TESK2: variants seen among roughly 807,000 people sequenced by gnomAD.
TESK2 encodes dual specificity testis-specific protein kinase 2.
In TESK2, 39 loss-of-function variants were observed where a neutral mutation model predicts 57.1. The observed-to-expected ratio is 0.68, with a 90% CI of 0.53 to 0.89. TESK2 has a LOEUF of 0.89. Among genes scored for constraint, TESK2 ranks in the 40% least tolerant of loss-of-function variants. The pLI is 0.00. For missense variants in TESK2, 646 were observed against 732.1 expected (o/e 0.88, Z 1.36); for synonymous variants, 249 against 267.9 (o/e 0.93, Z 0.69).
chr1:45,432,108 G>A (rs564360027), intron 2 of TESK2, among the ~76,000 whole-genome samples: 1 of 152,018 alleles, frequency 6.6e-6, no homozygotes, highest in East Asian at 2.0e-4. Context: ...CGTTACCCAG[G>A]CATGGTGGTG....
Position 45,347,065 on chromosome 1 carries a change from G to C in TESK2, c.709-3C>G, listed in dbSNP as rs772258076. 6 of 1,614,094 alleles carry C rather than the reference G, an allele frequency of 3.7e-6. No homozygotes were observed. Among genetic ancestry groups the C allele is most frequent in the Non-Finnish European group, 5.1e-6 (6 of 1,179,950 alleles). Reference sequence around the variant, plus strand: ...ATACCATAAGAGAACACATCTGCCTGGTGGGTAGTCGGACTTTGGTTTCCC... The same window carrying C: ...ATACCATAAGAGAACACATCTGCCTCGTGGGTAGTCGGACTTTGGTTTCCC... On this transcript the variant is annotated splice_polypyrimidine_tract_variant and splice_region_variant and intron_variant, in intron 7 of 10. Coordinates refer to ENST00000372086, the MANE Select transcript of TESK2 (RefSeq NM_007170.3).
chr1:45,381,671 T>A (rs1648656919), intron 4 of TESK2, among the ~76,000 whole-genome samples: 1 of 152,006 alleles, frequency 6.6e-6, no homozygotes. Context: ...TCTGGAAATG[T>A]ATGAGAAATA....
chr1:45,480,955 T>C (rs1200279367), intron 1 of TESK2, among the ~76,000 whole-genome samples: 1 of 151,550 alleles, frequency 6.6e-6, no homozygotes, highest in Non-Finnish European at 1.5e-5. Context: ...ACCACTGCAC[T>C]CCAGCCTGGG....
At chr1:45,481,132 G>A (rs563959069) in intron 1 of TESK2, among the ~76,000 whole-genome samples, 140 of 152,128 alleles carry the variant, frequency 9.2e-4, no homozygotes, top group East Asian at 4.3e-3. Flanking sequence ...TTGGGAGGCC[G>A]AGGTGGGCGG....
intron 2 of TESK2, among the ~76,000 whole-genome samples, chr1:45,431,019 G>A (rs1342803403): frequency 2.0e-5 from 3 of 152,102 alleles, no homozygotes; most frequent in African/African-American, 7.2e-5. Flanking sequence ...TAAACAATAC[G>A]AATTATTTAC....
intron 2 of TESK2, among the ~76,000 whole-genome samples, chr1:45,432,579 T>C (rs1018970540): frequency 6.7e-6 from 1 of 149,854 alleles, no homozygotes; most frequent in African/African-American, 2.4e-5. Context: ...TAGTCCCAGC[T>C]ACTCGGGAGG....
chr1:45,445,292 G>A (rs1388798581), intron 2 of TESK2, among the ~76,000 whole-genome samples: 1 of 151,930 alleles, frequency 6.6e-6, no homozygotes, highest in South Asian at 2.1e-4. Flanking sequence ...AAATTCTTGG[G>A]GAGATAGACT....
chr1:45,460,020 A>G (rs1445386354), intron 1 of TESK2, among the ~76,000 whole-genome samples: 1 of 152,190 alleles, frequency 6.6e-6, no homozygotes, highest in Non-Finnish European at 1.5e-5. Context: ...TTGAGTTCAC[A>G]TGAACATAAA....
At chr1:45,411,409 C>T (rs1360584191) in intron 3 of TESK2, among the ~76,000 whole-genome samples, 9 of 152,246 alleles carry the variant, frequency 5.9e-5, no homozygotes, top group South Asian at 2.1e-4. Context: ...TCATAAGGGA[C>T]GTGCAACCAA....
intron 4 of TESK2, among the ~76,000 whole-genome samples, chr1:45,374,007 A>T (rs1197933182): frequency 6.6e-6 from 1 of 152,242 alleles, no homozygotes; most frequent in Non-Finnish European, 1.5e-5. Context: ...AAACTCAAAA[A>T]GAACTCTGTG....
In TESK2 at chr1:45,344,320, G is replaced by A; in HGVS notation, c.*520C>T. 1 of 160,028 alleles carries A rather than the reference G, an allele frequency of 6.2e-6. No homozygotes were observed. The highest frequency in any genetic ancestry group is 6.0e-5 in the Admixed American group (1 of 16,656). 9.9% of individuals were successfully genotyped at this position (160,028 alleles called of 1,614,324 possible). A position where few individuals can be genotyped will look rare whatever the true frequency, so the allele number is the denominator to read the frequency against. Reference sequence around the variant, plus strand: ...CCCTTGCATAGAAATGTAGTGACGTGGTCTGACCATGCAGTAAGTGCAAAC... The same window carrying A: ...CCCTTGCATAGAAATGTAGTGACGTAGTCTGACCATGCAGTAAGTGCAAAC... On this transcript the variant is annotated 3_prime_UTR_variant, in exon 11 of 11. Coordinates refer to ENST00000372086, the MANE Select transcript of TESK2 (RefSeq NM_007170.3).
chr1:45,448,979 C>T (rs758249169), intron 2 of TESK2, among the ~76,000 whole-genome samples: 13 of 151,996 alleles, frequency 8.6e-5, no homozygotes, highest in East Asian at 1.9e-4. Context: ...AATCCTAGCA[C>T]GGTGGAAGGC....
At position 45,473,886 on chromosome 1, in the gene TESK2, C is replaced by T. The variant is rs368850250; in HGVS notation, c.-86-16015G>A. 2.6e-4 allele frequency among the ~76,000 whole-genome samples: 39 copies of T among 151,478 alleles called. 2 individuals are homozygous for T. The South Asian group carries it at 6.5e-3, about 25-fold the overall frequency. On this transcript the variant is annotated intron_variant, in intron 1 of 10. Coordinates refer to ENST00000372086, the MANE Select transcript of TESK2 (RefSeq NM_007170.3). ...ACCATAGCTCATTTGCAGCCTCAAA[C>T]GCCTAGGCTCAAACAATCCTCCCGC...
intron 4 of TESK2, among the ~76,000 whole-genome samples, chr1:45,361,384 A>T (rs1647678133): frequency 6.6e-6 from 1 of 152,246 alleles, no homozygotes; most frequent in Non-Finnish European, 1.5e-5. Context: ...AGAAGTTTTA[A>T]TATTTTTAAT....
At chr1:45,389,468 T>G (rs1557553704) in intron 3 of TESK2, among the ~76,000 whole-genome samples, 1 of 152,156 alleles carries the variant, frequency 6.6e-6, no homozygotes, top group Non-Finnish European at 1.5e-5. Flanking sequence ...CCCTTTGCCA[T>G]GTGATGCCCT....
rs987263675 is a variant in TESK2 at position 45,345,640 on chromosome 1, T to C, written c.998-82A>G. Reference sequence around the variant, plus strand: ...TTTTACCACAGAATGTTTTCACTCATGAAAGCAAAGCTGATACCATGGCCC... The same window carrying C: ...TTTTACCACAGAATGTTTTCACTCACGAAAGCAAAGCTGATACCATGGCCC... On this transcript the variant is annotated intron_variant, in intron 10 of 10. Transcript: ENST00000372086. The C allele has an allele frequency of 3.0e-6, 4 of 1,327,864 alleles. No homozygotes were observed. In the African/African-American group the frequency reaches 5.8e-5, roughly 19 times the overall value. The allele number at this position is 1,327,864 out of a possible 1,614,324, so 82.3% of individuals were successfully genotyped here. A position where few individuals can be genotyped will look rare whatever the true frequency, so the allele number is the denominator to read the frequency against.
At chr1:45,472,307 C>T (rs1424737622) in intron 1 of TESK2, among the ~76,000 whole-genome samples, 2 of 150,356 alleles carry the variant, frequency 1.3e-5, no homozygotes, top group African/African-American at 2.5e-5. Flanking sequence ...CCTGTAATCC[C>T]AGCACTTTGG....
chr1:45,490,382 G>T (rs1653670406), intron 1 of TESK2, among the ~76,000 whole-genome samples: 1 of 152,190 alleles, frequency 6.6e-6, no homozygotes. Flanking sequence ...AGAAGAGGGG[G>T]AAGGCAGTAG....
chr1:45,383,230 A>C (rs112675687), intron 4 of TESK2, among the ~76,000 whole-genome samples: 11 of 152,138 alleles, frequency 7.2e-5, no homozygotes, highest in Non-Finnish European at 1.6e-4. Context: ...TTAATAATTT[A>C]TTTTTTATTA....
Sources: allele counts gnomAD v4.1 joint callset (sites outside exome capture counted in the v4.1 genomes callset), GRCh38; gene constraint gnomAD v4.1.1; transcripts MANE v1.5; gene names NCBI Gene and HGNC (gene_info 2026-07-23, HGNC 2026-07-21).